The following ODAD2 variants were observed in gnomAD, a reference collection of about 807,000 sequenced individuals.
ODAD2 encodes outer dynein arm-docking complex subunit 2.
ODAD2 carries 89 observed loss-of-function variants against 106.8 expected under a neutral mutation model. The observed-to-expected ratio is 0.83, with a 90% confidence interval of 0.70 to 0.99. ODAD2 has a LOEUF of 0.99. Among genes scored for constraint, ODAD2 ranks in the 50% least tolerant of loss-of-function variants. The probability of loss-of-function intolerance (pLI) is 0.00; values close to 1 mark genes in which losing one functional copy is unlikely to be tolerated. For missense variants in ODAD2, 1,168 were observed against 1,238.5 expected (o/e 0.94, Z 0.85); for synonymous variants, 404 against 436.2 (o/e 0.93, Z 0.92).
intron 10 of ODAD2, among the ~76,000 whole-genome samples, chr10:27,955,536 A>G (rs1445653531): frequency 6.6e-6 from 1 of 152,162 alleles, no homozygotes; most frequent in East Asian, 1.9e-4. Context: ...TTTTCCACCA[A>G]TGAAACAAGG....
At chr10:27,893,808 G>T (rs746380952) in intron 17 of ODAD2, among the ~76,000 whole-genome samples, 6 of 152,108 alleles carry the variant, frequency 3.9e-5, no homozygotes, top group Non-Finnish European at 8.8e-5. Flanking sequence ...GGATGCCCCA[G>T]CATATTCAAA....
Position 27,951,280 on chromosome 10 carries a change from T to C in ODAD2, c.1387-6318A>G, listed in dbSNP as rs138692404. On this transcript the variant is annotated intron_variant, in intron 10 of 19. Transcript: ENST00000305242. ...CATGATTTTCAACTCATTCTAAAGA[T>C]GATCTAGAATGAAAAATCCAAAAAA... is the stretch of plus-strand genomic sequence containing the variant. Among the ~76,000 whole-genome samples the C allele has an allele frequency of 3.5e-3, 535 of 152,302 alleles. 6 individuals are homozygous for C. Among genetic ancestry groups the C allele is most frequent in the African/African-American group, 0.012 (499 of 41,562 alleles).
chr10:27,893,986 T>G (rs1482917687), intron 17 of ODAD2, among the ~76,000 whole-genome samples: 5 of 151,734 alleles, frequency 3.3e-5, no homozygotes, highest in African/African-American at 1.2e-4. Context: ...CCTATCTTGA[T>G]CTGAAAAAGT....
At chr10:27,945,076 T>C (rs1322049633) in intron 10 of ODAD2, 114 bp from the exon 11 acceptor site, 19 of 1,244,290 alleles carry the variant, frequency 1.5e-5, no homozygotes, top group Non-Finnish European at 2.3e-6. Context: ...GGCTAGAATT[T>C]GTTAAATGAA....
chr10:27,848,786 T>C (rs573085216), intron 19 of ODAD2, among the ~76,000 whole-genome samples: 90 of 152,214 alleles, frequency 5.9e-4, no homozygotes, highest in Admixed American at 9.8e-4. Flanking sequence ...ATGAAGCCAA[T>C]AGACACACGA....
chr10:27,837,212 A>T (rs1319739230), intron 19 of ODAD2, among the ~76,000 whole-genome samples: 1 of 152,242 alleles, frequency 6.6e-6, no homozygotes, highest in Non-Finnish European at 1.5e-5. Flanking sequence ...CCCTGTGACC[A>T]CATGGTCCCG....
At chr10:27,946,103 C>T (rs1254151390) in intron 10 of ODAD2, among the ~76,000 whole-genome samples, 3 of 147,520 alleles carry the variant, frequency 2.0e-5, no homozygotes, top group Non-Finnish European at 4.5e-5. Context: ...TATCTACTGC[C>T]CATTATCTAT....
chr10:27,982,000 T>A (rs1049071511), intron 6 of ODAD2: 1 of 153,114 alleles, frequency 6.5e-6, no homozygotes, highest in Non-Finnish European at 1.5e-5. Flanking sequence ...TTTCTGTTTG[T>A]CACACTCTGT....
chr10:27,988,214 GT>G (rs1168434898), intron 2 of ODAD2, among the ~76,000 whole-genome samples: 1 of 151,412 alleles, frequency 6.6e-6, no homozygotes, highest in African/African-American at 2.4e-5. Flanking sequence ...ATATTAAGAT[GT>G]TTTCATGGAA....
At chr10:27,940,455 C>T (rs1275084327) in intron 13 of ODAD2, 108 bp downstream of exon 13, 2 of 1,366,000 alleles carry the variant, frequency 1.5e-6, no homozygotes, top group African/African-American at 2.9e-5. Flanking sequence ...AGAATGCTGA[C>T]TTCTAGAAAA....
rs965848501 is a variant in ODAD2, at chr10:27,935,853, T to TAC, written c.2253-603_2253-602dup. Among the ~76,000 whole-genome samples, 5 of 151,932 alleles carry TAC rather than the reference T, an allele frequency of 3.3e-5. No individual in the cohort carries two copies. The South Asian group carries it at 8.3e-4, about 25-fold the overall frequency. On this transcript the variant is annotated intron_variant, in intron 15 of 19. Coordinates refer to ENST00000305242, the MANE Select transcript of ODAD2 (RefSeq NM_018076.5). ...ACACATATGTATGCATATATATATA[T>TAC]ACACACACAAATACACACACATACA...
At position 27,936,576 on chromosome 10, in the gene ODAD2, T is replaced by C. The variant is rs760540781; in HGVS notation, c.2252+150A>G. ...CAATTTCTATTCTTTTCTTTTCTATTCTAAGAATCCCTTCATTGGGCTAAC... is the reference window on the plus strand; with the variant it reads ...CAATTTCTATTCTTTTCTTTTCTATCCTAAGAATCCCTTCATTGGGCTAAC... On this transcript the variant is annotated intron_variant, in intron 15 of 19. Transcript: ENST00000305242. The C allele has an allele frequency of 4.8e-4, 446 of 924,250 alleles. 2 individuals are homozygous for C. The highest frequency in any genetic ancestry group is 3.0e-4 in the Non-Finnish European group (184 of 606,728). 57.3% of individuals were successfully genotyped at this position (924,250 alleles called of 1,614,324 possible). A position where few individuals can be genotyped will look rare whatever the true frequency, so the allele number is the denominator to read the frequency against.
chr10:27,856,538 C>T (rs1589835713), intron 19 of ODAD2, among the ~76,000 whole-genome samples: 1 of 152,298 alleles, frequency 6.6e-6, no homozygotes, highest in East Asian at 1.9e-4. Context: ...CCAAAAACAT[C>T]TCATCCACCC....
chr10:27,836,116 A>T (rs1342141562), intron 19 of ODAD2: 3 of 152,994 alleles, frequency 2.0e-5, no homozygotes, highest in African/African-American at 7.2e-5. Context: ...ATCTGCATAA[A>T]ATTGGATCCA....
intron 2 of ODAD2, among the ~76,000 whole-genome samples, chr10:27,990,282 G>A (rs893225068): frequency 2.6e-5 from 4 of 151,982 alleles, no homozygotes; most frequent in African/African-American, 9.7e-5. Context: ...CAAGCAGATG[G>A]GACTACAGCC....
intron 17 of ODAD2, among the ~76,000 whole-genome samples, chr10:27,887,846 A>C (rs1173313453): frequency 2.6e-5 from 4 of 152,084 alleles, no homozygotes; most frequent in African/African-American, 9.6e-5. Context: ...ATTTTAAAAA[A>C]GTGGGAAGAC....
intron 19 of ODAD2, among the ~76,000 whole-genome samples, chr10:27,820,968 C>G (rs947813109): frequency 6.6e-6 from 1 of 151,964 alleles, no homozygotes; most frequent in East Asian, 1.9e-4. Flanking sequence ...TTAGTAGAGA[C>G]AGGGTTTTAC....
Position 27,851,653 on chromosome 10 carries a change from C to G in ODAD2, c.3021+8972G>C, listed in dbSNP as rs541307928. Among the ~76,000 whole-genome samples the G allele has an allele frequency of 3.9e-5, 6 of 152,058 alleles. No individual in the cohort carries two copies. In the South Asian group the frequency reaches 6.2e-4, roughly 16 times the overall value. On this transcript the variant is annotated intron_variant, in intron 19 of 19. Coordinates refer to ENST00000305242, the MANE Select transcript of ODAD2 (RefSeq NM_018076.5). ...TAAAACACAGAAAGAACAAAGTAAA[C>G]AAAGTCTCAGGGAGCTGTGGGAAAA...
chr10:27,839,308 T>C (rs1838137531), intron 19 of ODAD2, among the ~76,000 whole-genome samples: 1 of 152,172 alleles, frequency 6.6e-6, no homozygotes, highest in Non-Finnish European at 1.5e-5. Context: ...ATGAAGGCAA[T>C]GGCTTCTGGC....
Sources: gnomAD v4.1 joint callset for allele counts (sites outside exome capture counted in the v4.1 genomes callset) on GRCh38, gnomAD v4.1.1 for gene constraint, MANE v1.5 for transcripts, NCBI Gene and HGNC (gene_info 2026-07-23, HGNC 2026-07-21) for gene names.